Variants in SCG3 observed in about 807,000 individuals in gnomAD.
SCG3 encodes the protein secretogranin III, also known as secretogranin-3.
Under a neutral mutation model 56.2 loss-of-function variants are expected in SCG3, and 38 were observed. That is an observed-to-expected ratio of 0.68 (90% confidence interval 0.52 to 0.89). The LOEUF is 0.89. Ranked by LOEUF, SCG3 falls within the 40% of genes least tolerant of loss-of-function variation. The pLI is 0.00. For missense variants in SCG3, 524 were observed against 540.7 expected, an observed-to-expected ratio of 0.97 and a Z score of 0.31; for synonymous variants, 176 against 184.2, an observed-to-expected ratio of 0.96 and a Z score of 0.36.
At chr15:51,698,355 G>C (rs2055317455) in intron 8 of SCG3, among the ~76,000 whole-genome samples, 1 of 152,140 alleles carries the variant, frequency 6.6e-6, no homozygotes, top group Non-Finnish European at 1.5e-5. Flanking sequence ...TCACAGTCTA[G>C]ACTCCTGTCT....
chr15:51,700,926 C>T (rs1279094504), intron 9 of SCG3, among the ~76,000 whole-genome samples, 181 bp from the exon 10 acceptor site: 1 of 152,118 alleles, frequency 6.6e-6, no homozygotes, highest in African/African-American at 2.4e-5. Context: ...TTCTGGGCCT[C>T]AATTTCCTCT....
chr15:51,704,899 CA>C (rs2055365358), intron 10 of SCG3, among the ~76,000 whole-genome samples: 1 of 150,646 alleles, frequency 6.6e-6, no homozygotes, highest in African/African-American at 2.4e-5. Flanking sequence ...GAGGAACCAC[CA>C]TACTGTTTTC....
intron 4 of SCG3, among the ~76,000 whole-genome samples, chr15:51,685,974 A>C (rs1323540328): frequency 6.6e-6 from 1 of 152,208 alleles, no homozygotes; most frequent in Non-Finnish European, 1.5e-5. Flanking sequence ...CCAGTGTCTG[A>C]CACATAATAA....
At position 51,688,336 on chromosome 15, in the gene SCG3, G is replaced by A; in HGVS notation, c.474G>A (p.Arg158=). ...ACATTGTCCATAAAATCGCTGCCAG[G>A]ATTTATGAAGAAAATGACAGAGCCG... is the stretch of plus-strand genomic sequence containing the variant. ...AEDIVHKIAA[R]IYEENDRAVF... Residue 158 remains arginine (R), a synonymous_variant, in exon 5 of 12, where the codon AGG becomes AGA. Coordinates refer to ENST00000220478, the MANE Select transcript of SCG3 (RefSeq NM_013243.4). 1 of 1,613,736 alleles carries A rather than the reference G, an allele frequency of 6.2e-7. No individual in the cohort carries two copies. The highest frequency in any genetic ancestry group is 1.1e-5 in the South Asian group (1 of 91,058).
At chr15:51,696,862 C>G (rs1393794722) in intron 8 of SCG3, among the ~76,000 whole-genome samples, 1 of 152,032 alleles carries the variant, frequency 6.6e-6, no homozygotes, top group African/African-American at 2.4e-5. Flanking sequence ...CCCACCAGGC[C>G]CCACCTCCAA....
chr15:51,684,625 C>T (rs1451690897), intron 4 of SCG3, among the ~76,000 whole-genome samples: 1 of 152,306 alleles, frequency 6.6e-6, no homozygotes, highest in South Asian at 2.1e-4. Context: ...GAAGCTTGCA[C>T]AGTCCTGCAT....
rs750517613 is a variant in SCG3 at position 51,682,551 on chromosome 15, A to G, written c.117A>G (p.Glu39=). The G allele has an allele frequency of 1.4e-6, 2 of 1,437,794 alleles. No individual in the cohort carries two copies. Among genetic ancestry groups the G allele is most frequent in the South Asian group, 1.4e-5 (1 of 72,806 alleles). 89.1% of individuals were successfully genotyped at this position (1,437,794 alleles called of 1,614,324 possible). ...KSLHNRELSA[E]RPLNEQIAEA... The stretch of plus-strand genomic sequence containing the variant: ...TACATAATAGAGAATTAAGTGCAGA[A>G]AGACCTTTGAATGAACAGGTAGGTC... Residue 39 remains glutamate (E), a synonymous_variant, in exon 2 of 12, where the codon GAA becomes GAG. Coordinates refer to ENST00000220478, the MANE Select transcript of SCG3 (RefSeq NM_013243.4).
chr15:51,715,896 C>T (rs943213063), intron 11 of SCG3, among the ~76,000 whole-genome samples: 2 of 150,920 alleles, frequency 1.3e-5, no homozygotes, highest in East Asian at 2.0e-4. Flanking sequence ...CTCGCTCTGT[C>T]GCCCAGGCTG....
intron 4 of SCG3, among the ~76,000 whole-genome samples, chr15:51,684,431 G>C (rs2055215306): frequency 6.6e-6 from 1 of 152,130 alleles, no homozygotes; most frequent in Admixed American, 6.5e-5. Context: ...ACAAAAATTA[G>C]CCAGGAGTGG....
intron 10 of SCG3, among the ~76,000 whole-genome samples, chr15:51,704,603 A>C (rs1458011615): frequency 1.3e-5 from 2 of 151,038 alleles, no homozygotes; most frequent in African/African-American, 2.4e-5. Context: ...GTAACTTAGC[A>C]TCATGTCCTC....
intron 4 of SCG3, among the ~76,000 whole-genome samples, chr15:51,686,479 G>A (rs1022277011): frequency 1.3e-5 from 2 of 152,132 alleles, no homozygotes; most frequent in Non-Finnish European, 2.9e-5. Flanking sequence ...CTCCTTTTAC[G>A]GATCCTGAGG....
intron 10 of SCG3, among the ~76,000 whole-genome samples, chr15:51,704,764 C>CATACATAT (rs572035996): frequency 3.8e-3 from 257 of 67,010 alleles, no homozygotes; most frequent in Non-Finnish European, 5.8e-3. Context: ...GTGAGTAATA[C>CATACATAT]ATATATATAT....
At position 51,695,475 on chromosome 15, in the gene SCG3, C is replaced by T. The variant is rs539071784; in HGVS notation, c.869-400C>T. 4.6e-5 allele frequency among the ~76,000 whole-genome samples: 7 copies of T among 152,218 alleles called. No individual in the cohort carries two copies. In the South Asian group the frequency reaches 1.5e-3, roughly 32 times the overall value. On this transcript the variant is annotated intron_variant, in intron 7 of 11. Transcript: ENST00000220478. The stretch of plus-strand genomic sequence containing the variant: ...AACTCTTTTGGAGAAGTTATCATTG[C>T]CCATGTCCGAAAAAGTTCAGTATAG...
chr15:51,701,717 G>A (rs1461163571), intron 10 of SCG3, among the ~76,000 whole-genome samples: 1 of 152,134 alleles, frequency 6.6e-6, no homozygotes, highest in East Asian at 1.9e-4. Flanking sequence ...ACCAGCCTGG[G>A]CAACATGGAA....
At chr15:51,708,495 G>A (rs1435312602) in intron 10 of SCG3, among the ~76,000 whole-genome samples, 2 of 152,156 alleles carry the variant, frequency 1.3e-5, no homozygotes, top group Non-Finnish European at 2.9e-5. Context: ...ATTGGTCTGA[G>A]GAGCAATTTG....
In SCG3 at chr15:51,688,422, A is replaced by G. The variant is rs1345489155; in HGVS notation, c.540+20A>G. On this transcript the variant is annotated intron_variant, in intron 5 of 11. Transcript: ENST00000220478. ...GGCCTTGTAAGTCATTTGGTAGGAA[A>G]TAAACCAAATTCCTAGTGCAGTTTA... The G allele has an allele frequency of 9.9e-6, 16 of 1,609,846 alleles. No individual in the cohort carries two copies. Among genetic ancestry groups the G allele is most frequent in the Admixed American group, 3.3e-5 (2 of 59,778 alleles).
intron 6 of SCG3, among the ~76,000 whole-genome samples, chr15:51,690,811 T>C (rs1319772374): frequency 6.6e-6 from 1 of 152,148 alleles, no homozygotes; most frequent in African/African-American, 2.4e-5. Context: ...CCTGAATGCA[T>C]CAATGCAAAT....
Position 51,692,864 on chromosome 15 carries a change from CT to C in SCG3, c.868+536del, listed in dbSNP as rs201399820. On this transcript the variant is annotated intron_variant, in intron 7 of 11. Coordinates refer to ENST00000220478, the MANE Select transcript of SCG3 (RefSeq NM_013243.4). ...ATCACCTTATAGTTAACATTTTTTT[CT>C]TTTTTTTCTTTTATTCTTTTTGTGT... Among the ~76,000 whole-genome samples, 708 of 148,864 alleles carry C rather than the reference CT, an allele frequency of 4.8e-3. 20 individuals carry two copies. The East Asian group carries it at 0.065, about 14-fold the overall frequency.
chr15:51,692,593 A>C (rs1480634724), intron 7 of SCG3, among the ~76,000 whole-genome samples: 1 of 152,228 alleles, frequency 6.6e-6, no homozygotes. Context: ...TTCAGCAAAC[A>C]AATACTGAAC....
Sources: allele counts gnomAD v4.1 joint callset (sites outside exome capture counted in the v4.1 genomes callset), GRCh38; gene constraint gnomAD v4.1.1; transcripts MANE v1.5; gene names NCBI Gene and HGNC (gene_info 2026-07-23, HGNC 2026-07-21).